Variants in TMEM164 observed in about 807,000 individuals in gnomAD.
TMEM164 encodes RP13-360B22.2.
A neutral mutation model predicts 18.8 loss-of-function variants in TMEM164; 4 were observed. The ratio of observed to expected loss-of-function variants is 0.21; its 90% CI spans 0.10 to 0.49. The LOEUF (loss-of-function observed/expected upper bound fraction) is 0.49. TMEM164 is among the 20% of genes least tolerant of loss of function. The pLI, the probability that TMEM164 is intolerant of heterozygous loss-of-function variation, is 0.98. For missense variants in TMEM164, 108 were observed against 239.9 expected, an observed-to-expected ratio of 0.45 and a Z score of 3.63; for synonymous variants, 86 against 101.7, an observed-to-expected ratio of 0.85 and a Z score of 0.93.
intron 3 of TMEM164, among the ~76,000 whole-genome samples, chrX:110,108,125 T>TGTGTGTGTGTGA (rs1444288844): frequency 1.6e-4 from 16 of 102,784 alleles, no homozygotes; most frequent in African/African-American, 5.6e-4. Flanking sequence ...TGTGTGTGTG[T>TGTGTGTGTGTGA]GATTGAGATT....
At chrX:110,013,368 G>A (rs969974837) in intron 2 of TMEM164, among the ~76,000 whole-genome samples, 2 of 112,029 alleles carry the variant, frequency 1.8e-5, no homozygotes, top group African/African-American at 6.5e-5. Flanking sequence ...CTTATTAGAT[G>A]TTCTGGGCAG....
In TMEM164 at chrX:110,014,022, T is replaced by C. The variant is rs148562419; in HGVS notation, c.390+9858T>C. On this transcript the variant is annotated intron_variant, in intron 2 of 6. Coordinates refer to ENST00000372068, the MANE Select transcript of TMEM164 (RefSeq NM_032227.4). Reference sequence around the variant, plus strand: ...AGCCTGTGTTCCCACATTCATAAAATGATATGATCAAACTTGAACATTACC... The same window carrying C: ...AGCCTGTGTTCCCACATTCATAAAACGATATGATCAAACTTGAACATTACC... 1.4e-3 allele frequency among the ~76,000 whole-genome samples: 152 copies of C among 111,908 alleles called. 3 individuals are homozygous for C. The East Asian group carries it at 0.036, about 26-fold the overall frequency.
rs762265689 is a variant in TMEM164 at position 110,096,513 on chromosome X, C to T, written c.441-12567C>T. 6.3e-4 allele frequency among the ~76,000 whole-genome samples: 71 copies of T among 112,729 alleles called. 2 individuals are homozygous for T. The highest frequency in any genetic ancestry group is 2.0e-3 in the African/African-American group (62 of 31,103). On this transcript the variant is annotated intron_variant, in intron 3 of 6. Transcript: ENST00000372068. ...AGGTGCGAGATATAATCTCCTGGTG[C>T]GCCGTTTGCTAAGACCATTGGAAAA...
In TMEM164 at chrX:110,173,425, C is replaced by T. The variant is rs1015477892; in HGVS notation, c.868C>T (p.Arg290Trp). The T allele has an allele frequency of 1.4e-5, 17 of 1,207,577 alleles. No individual in the cohort carries two copies. Among genetic ancestry groups the T allele is most frequent in the Admixed American group, 6.6e-5 (3 of 45,447 alleles). The stretch of plus-strand genomic sequence containing the variant: ...GTGTAAATATCTGCTGGATTTGCTC[C>T]GGCTTCCAGCCAAGAAAATAGACTG... ...PLCKYLLDLL[R>W]LPAKKID is the part of the protein sequence containing the mutation. The change falls in exon 7 of 7, where the codon CGG becomes TGG. Residue 290 changes from arginine (R) to tryptophan (W), a missense_variant. By Grantham distance (101) the Arg-to-Trp change is moderately radical. Transcript: ENST00000372068.
At chrX:110,096,452 G>C (rs1407676047) in intron 3 of TMEM164, among the ~76,000 whole-genome samples, 2 of 112,884 alleles carry the variant, frequency 1.8e-5, no homozygotes, top group African/African-American at 3.2e-5. Context: ...TGCTAGCAGT[G>C]AGCAAGGCTC....
In TMEM164 at chrX:110,096,481, C is replaced by A. The variant is rs149417612; in HGVS notation, c.441-12599C>A. Among the ~76,000 whole-genome samples, 952 of 112,905 alleles carry A rather than the reference C, an allele frequency of 8.4e-3. 13 individuals carry two copies. The highest frequency in any genetic ancestry group is 0.029 in the African/African-American group (909 of 31,124). On this transcript the variant is annotated intron_variant, in intron 3 of 6. Transcript: ENST00000372068. ...AAGGCTCTGTGGGCATGGGACCCTC[C>A]GAGGCCAGGTGCGAGATATAATCTC...
intron 5 of TMEM164, among the ~76,000 whole-genome samples, chrX:110,170,572 G>A (rs1416251161): frequency 9.0e-6 from 1 of 111,518 alleles, no homozygotes; most frequent in Non-Finnish European, 1.9e-5. Flanking sequence ...CACTCAGAGT[G>A]ATACCCACAA....
intron 5 of TMEM164, among the ~76,000 whole-genome samples, chrX:110,161,180 T>C (rs767554917): frequency 1.8e-5 from 2 of 112,263 alleles, no homozygotes; most frequent in South Asian, 3.7e-4. Flanking sequence ...AGTTACTTTC[T>C]GGGACCAGTT....
intron 3 of TMEM164, among the ~76,000 whole-genome samples, chrX:110,078,625 C>T (rs1448576750): frequency 9.0e-6 from 1 of 111,359 alleles, no homozygotes; most frequent in African/African-American, 3.3e-5. Flanking sequence ...CCAGACCAGC[C>T]TGGCCAACAT....
At chrX:110,060,665 A>G (rs1308157509) in intron 2 of TMEM164, among the ~76,000 whole-genome samples, 1 of 111,550 alleles carries the variant, frequency 9.0e-6, no homozygotes, top group Non-Finnish European at 1.9e-5. Flanking sequence ...TCTATTTAGG[A>G]TCCTTAATTG....
chrX:110,054,303 T>G (rs907550716), intron 2 of TMEM164, among the ~76,000 whole-genome samples: 1 of 112,341 alleles, frequency 8.9e-6, no homozygotes, highest in Non-Finnish European at 1.9e-5. Context: ...GAATAACTAC[T>G]GCCATTATTG....
chrX:110,018,198 G>T (rs1933587380), intron 2 of TMEM164, among the ~76,000 whole-genome samples: 1 of 112,445 alleles, frequency 8.9e-6, no homozygotes, highest in East Asian at 2.8e-4. Context: ...ATCAAAATTA[G>T]AACCTTAGTC....
chrX:110,026,722 G>A (rs897373619), intron 2 of TMEM164, among the ~76,000 whole-genome samples: 2 of 111,950 alleles, frequency 1.8e-5, no homozygotes, highest in African/African-American at 6.5e-5. Context: ...AGCTAGTGGG[G>A]TGGAGCTCGG....
chrX:110,069,407 C>A (rs1461485259), intron 3 of TMEM164, among the ~76,000 whole-genome samples: 1 of 110,669 alleles, frequency 9.0e-6, no homozygotes, highest in African/African-American at 3.3e-5. Flanking sequence ...ATTTTTTGTC[C>A]AATTAAATTT....
At chrX:110,038,338 C>T (rs1934939324) in intron 2 of TMEM164, among the ~76,000 whole-genome samples, 1 of 110,299 alleles carries the variant, frequency 9.1e-6, no homozygotes. Context: ...GGGATTCTCT[C>T]TCTTCTCACA....
chrX:110,018,210 A>G, intron 2 of TMEM164, among the ~76,000 whole-genome samples: 1 of 112,557 alleles, frequency 8.9e-6, no homozygotes, highest in Non-Finnish European at 1.9e-5. Context: ...ACCTTAGTCT[A>G]GCAGAGGTGA....
chrX:110,172,197 A>T (rs2067240574), intron 6 of TMEM164, among the ~76,000 whole-genome samples: 1 of 111,685 alleles, frequency 9.0e-6, no homozygotes, highest in Non-Finnish European at 1.9e-5. Context: ...GAGGGCAGAG[A>T]GTTCTCCACC....
At chrX:110,020,559 A>C (rs1933752339) in intron 2 of TMEM164, 1 of 752,784 alleles carries the variant, frequency 1.3e-6, no homozygotes, top group African/African-American at 2.3e-5. Context: ...GCAGCCATCC[A>C]GGAAGTGGAA....
chrX:110,166,425 T>C (rs1011700999), intron 5 of TMEM164, among the ~76,000 whole-genome samples: 1 of 112,465 alleles, frequency 8.9e-6, no homozygotes, highest in Non-Finnish European at 1.9e-5. Context: ...CAATGTGGAC[T>C]CTGTAGATGT....
Sources: allele counts gnomAD v4.1 joint callset (sites outside exome capture counted in the v4.1 genomes callset), GRCh38; gene constraint gnomAD v4.1.1; transcripts MANE v1.5; gene names NCBI Gene and HGNC (gene_info 2026-07-23, HGNC 2026-07-21).